DRC4: variants seen among roughly 807,000 people sequenced by gnomAD.
DRC4 encodes the protein dynein regulatory complex subunit 4, also known as GAS-11.
chr16:90,022,731 A>G, the DRC4 span: 3 of 1,403,386 alleles, frequency 2.1e-6, no homozygotes, highest in East Asian at 3.0e-5. Flanking sequence ...CATGGTGAGC[A>G]GGGGCGGGAG....
At chr16:90,043,045 G>A in the DRC4 span, 1 of 841,128 alleles carries the variant, frequency 1.2e-6, no homozygotes, top group Non-Finnish European at 1.8e-6. Context: ...GGTGCTTGGA[G>A]CTGTGTCCCA....
chr16:90,021,418 C>CTT, the DRC4 span, among the ~76,000 whole-genome samples: 25 of 148,176 alleles, frequency 1.7e-4, no homozygotes, highest in Admixed American at 1.0e-3. Context: ...AAGACCTTTT[C>CTT]TTTTTTTTTT....
chr16:90,031,257 G>T, the DRC4 span: 3 of 1,608,596 alleles, frequency 1.9e-6, no homozygotes, highest in Non-Finnish European at 2.5e-6. Context: ...CCGTGCATGG[G>T]CCCCTGCTCA....
chr16:90,021,598 G>A, the DRC4 span, among the ~76,000 whole-genome samples: 2 of 152,114 alleles, frequency 1.3e-5, no homozygotes, highest in South Asian at 2.1e-4. Context: ...AGGGCTGGGC[G>A]TGGGGCTCAC....
chr16:90,028,897 G>A, the DRC4 span: 2 of 1,253,112 alleles, frequency 1.6e-6, no homozygotes, highest in African/African-American at 1.5e-5. Context: ...GCTAGGCAGA[G>A]GTCCTTGAAC....
chr16:90,020,881 C>G, the DRC4 span: 1 of 152,290 alleles, frequency 6.6e-6, no homozygotes, highest in Non-Finnish European at 1.5e-5. Context: ...AGCCAATCAG[C>G]ATGAAGCTGC....
At chr16:90,032,131 G>A in the DRC4 span, among the ~76,000 whole-genome samples, 29 of 151,122 alleles carry the variant, frequency 1.9e-4, no homozygotes, top group African/African-American at 7.1e-4. Context: ...GTATGGACAG[G>A]TGAGAAGGTG....
the DRC4 span, chr16:90,040,178 G>C: frequency 2.2e-6 from 2 of 904,624 alleles, no homozygotes. Context: ...GGTGCTGTGG[G>C]AGTGGGCACT....
the DRC4 span, chr16:90,022,531 CAACCG>C: frequency 3.8e-6 from 2 of 525,416 alleles, no homozygotes; most frequent in Non-Finnish European, 6.3e-6. Context: ...CCAACGTTCA[CAACCG>C]GGTTCCTTCC....
the DRC4 span, chr16:90,027,618 C>G: frequency 6.2e-7 from 1 of 1,613,010 alleles, no homozygotes. Context: ...CTCTCTTACC[C>G]CATTATTTCC....
the DRC4 span, chr16:90,040,395 C>G: frequency 1.2e-6 from 2 of 1,612,000 alleles, no homozygotes; most frequent in Non-Finnish European, 1.7e-6. Flanking sequence ...TGCTAGAACG[C>G]AAGCTGCAGG....
the DRC4 span, among the ~76,000 whole-genome samples, chr16:90,040,875 G>A: frequency 1.3e-5 from 2 of 151,604 alleles, no homozygotes; most frequent in Admixed American, 6.6e-5. Flanking sequence ...GACGGGTCCC[G>A]GCCCAGTGGG....
the DRC4 span, among the ~76,000 whole-genome samples, chr16:90,024,404 G>A: frequency 6.6e-6 from 1 of 152,208 alleles, no homozygotes; most frequent in African/African-American, 2.4e-5. Context: ...GTGGGGCAGA[G>A]GGAGATCTGT....
the DRC4 span, chr16:90,037,856 G>A: frequency 6.2e-7 from 1 of 1,612,604 alleles, no homozygotes; most frequent in Non-Finnish European, 8.5e-7. Flanking sequence ...AAGGTGAGTG[G>A]CACCACGCTG....
At chr16:90,032,574 T>C in the DRC4 span, 2 of 697,842 alleles carry the variant, frequency 2.9e-6, 1 homozygote, top group South Asian at 3.4e-5. Context: ...TAAGGAGGTG[T>C]GGTACAGGTG....
the DRC4 span, chr16:90,040,628 G>A: frequency 1.1e-6 from 1 of 889,788 alleles, no homozygotes; most frequent in Non-Finnish European, 1.6e-6. Context: ...ACTGAGGAGG[G>A]GCATTCATGG....
At chr16:90,023,651 CTGACCCAGGAAGGG>C in the DRC4 span, among the ~76,000 whole-genome samples, 434 of 139,938 alleles carry the variant, frequency 3.1e-3, 1 homozygote, top group Non-Finnish European at 4.9e-3. Context: ...GATGGGTTTT[CTGACCCAGGAAGGG>C]TCTTCTGAAA....
the DRC4 span, chr16:90,031,565 G>C: frequency 6.9e-7 from 1 of 1,455,282 alleles, no homozygotes; most frequent in Non-Finnish European, 9.2e-7. Flanking sequence ...GATCCAGTGA[G>C]GGTGCAGGTG....
At chr16:90,035,507 T>G in the DRC4 span, 3 of 1,210,026 alleles carry the variant, frequency 2.5e-6, no homozygotes, top group Admixed American at 1.8e-5. Context: ...AGAGGTGACT[T>G]TAGTTGAGGG....
Sources: allele counts gnomAD v4.1 joint callset (sites outside exome capture counted in the v4.1 genomes callset), GRCh38; gene constraint gnomAD v4.1.1; transcripts MANE v1.5; gene names NCBI Gene and HGNC (gene_info 2026-07-23, HGNC 2026-07-21).